The following CENPW variants were observed in gnomAD, a reference collection of about 807,000 sequenced individuals.
The protein encoded by CENPW is centromere protein W, also known as cancer-up-regulated gene 2 protein.
Under a neutral mutation model 11.1 loss-of-function variants are expected in CENPW, and 3 were observed. The ratio of observed to expected loss-of-function variants is 0.27; its 90% CI spans 0.12 to 0.70. The LOEUF is 0.70. Among genes scored for constraint, CENPW ranks in the 30% least tolerant of loss-of-function variants. The probability of loss-of-function intolerance (pLI) is 0.77; values close to 1 mark genes in which losing one functional copy is unlikely to be tolerated. For missense variants in CENPW, 100 were observed against 105.6 expected (o/e 0.95, Z 0.23); for synonymous variants, 38 against 42.0 (o/e 0.91, Z 0.37).
chr6:126,469,333 G>A, the CENPW span, among the ~76,000 whole-genome samples: 1 of 152,128 alleles, frequency 6.6e-6, no homozygotes, highest in Admixed American at 6.5e-5. Flanking sequence ...ACCGCCTTAT[G>A]AAGAAGGCAC....
At chr6:126,467,669 CA>C in the CENPW span, among the ~76,000 whole-genome samples, 1 of 152,036 alleles carries the variant, frequency 6.6e-6, no homozygotes, top group Non-Finnish European at 1.5e-5. Context: ...GGAGATGAGA[CA>C]AATCTCCCAG....
the CENPW span, among the ~76,000 whole-genome samples, chr6:126,452,462 GA>G: frequency 6.6e-6 from 1 of 151,024 alleles, no homozygotes; most frequent in Non-Finnish European, 1.5e-5. Flanking sequence ...TAAGAGCTGA[GA>G]AAAGAGTAGC....
the CENPW span, among the ~76,000 whole-genome samples, chr6:126,359,302 T>G: frequency 5.9e-5 from 9 of 152,024 alleles, no homozygotes; most frequent in African/African-American, 1.9e-4. Flanking sequence ...TGATTTCTTT[T>G]CTTTTTTTTT....
chr6:126,356,474 C>T, the CENPW span, among the ~76,000 whole-genome samples: 1 of 152,148 alleles, frequency 6.6e-6, no homozygotes, highest in African/African-American at 2.4e-5. Flanking sequence ...GACATTTAAT[C>T]ATTCCTAATT....
the CENPW span, among the ~76,000 whole-genome samples, chr6:126,397,306 G>C: frequency 6.6e-6 from 1 of 152,114 alleles, no homozygotes; most frequent in African/African-American, 2.4e-5. Context: ...GCTGAGTTTA[G>C]CCTGATTTTG....
chr6:126,434,429 A>G, the CENPW span, among the ~76,000 whole-genome samples: 1 of 152,076 alleles, frequency 6.6e-6, no homozygotes, highest in African/African-American at 2.4e-5. Flanking sequence ...GCATATCATA[A>G]TACATATAAC....
chr6:126,419,345 G>A, the CENPW span, among the ~76,000 whole-genome samples: 4 of 152,070 alleles, frequency 2.6e-5, no homozygotes, highest in Non-Finnish European at 5.9e-5. Flanking sequence ...TGTCTAGGGA[G>A]ATAATTCTTT....
chr6:126,442,020 A>G, the CENPW span, among the ~76,000 whole-genome samples: 4 of 151,558 alleles, frequency 2.6e-5, no homozygotes, highest in Non-Finnish European at 5.9e-5. Context: ...TCTTTAAGGA[A>G]TCTCCACACT....
the CENPW span, among the ~76,000 whole-genome samples, chr6:126,414,998 GA>G: frequency 6.6e-6 from 1 of 151,894 alleles, no homozygotes; most frequent in African/African-American, 2.4e-5. Context: ...TATAGGAAAT[GA>G]AAAAAATCCC....
At chr6:126,465,182 A>C in the CENPW span, among the ~76,000 whole-genome samples, 1 of 152,146 alleles carries the variant, frequency 6.6e-6, no homozygotes, top group Non-Finnish European at 1.5e-5. Context: ...AATATACAAA[A>C]ATCAATGGTA....
the CENPW span, among the ~76,000 whole-genome samples, chr6:126,420,615 G>T: frequency 5.3e-5 from 8 of 152,208 alleles, no homozygotes; most frequent in African/African-American, 1.9e-4. Flanking sequence ...TTGCTGGTTG[G>T]TCTTTTAGGG....
At chr6:126,400,958 C>G in the CENPW span, among the ~76,000 whole-genome samples, 8 of 151,996 alleles carry the variant, frequency 5.3e-5, no homozygotes, top group South Asian at 4.1e-4. Context: ...AACTTTTTCT[C>G]TAAAATCTTT....
chr6:126,440,332 G>T, the CENPW span, among the ~76,000 whole-genome samples: 38 of 151,668 alleles, frequency 2.5e-4, 1 homozygote, highest in South Asian at 6.8e-3. Context: ...AGAAAAGACA[G>T]TATACCTTCC....
At chr6:126,402,732 A>G in the CENPW span, among the ~76,000 whole-genome samples, 1 of 152,072 alleles carries the variant, frequency 6.6e-6, no homozygotes, top group East Asian at 1.9e-4. Flanking sequence ...GTATGGATAT[A>G]CCACATTTTA....
At chr6:126,388,482 G>T in the CENPW span, among the ~76,000 whole-genome samples, 4 of 151,966 alleles carry the variant, frequency 2.6e-5, no homozygotes, top group Non-Finnish European at 5.9e-5. Context: ...AGTGGTTCTT[G>T]TTGTCATAGT....
the CENPW span, among the ~76,000 whole-genome samples, chr6:126,424,356 A>G: frequency 6.6e-6 from 1 of 152,268 alleles, no homozygotes; most frequent in Admixed American, 6.5e-5. Flanking sequence ...AGCTAGTATG[A>G]TATACTAAAT....
the CENPW span, among the ~76,000 whole-genome samples, chr6:126,356,183 A>G: frequency 1.4e-3 from 214 of 152,292 alleles, no homozygotes; most frequent in African/African-American, 4.7e-3. Context: ...GAAAGCTGAC[A>G]TGGATAATAT....
At chr6:126,372,251 C>A in the CENPW span, among the ~76,000 whole-genome samples, 1 of 152,012 alleles carries the variant, frequency 6.6e-6, no homozygotes, top group Non-Finnish European at 1.5e-5. Context: ...CCAGATGACA[C>A]CAGCAAGAAA....
At chr6:126,396,955 C>T in the CENPW span, among the ~76,000 whole-genome samples, 2 of 151,924 alleles carry the variant, frequency 1.3e-5, no homozygotes, top group Admixed American at 1.3e-4. Context: ...TTTACTCTTT[C>T]CTGTTCTCTC....
Sources: gnomAD v4.1 joint callset for allele counts (sites outside exome capture counted in the v4.1 genomes callset) on GRCh38, gnomAD v4.1.1 for gene constraint, MANE v1.5 for transcripts, NCBI Gene and HGNC (gene_info 2026-07-23, HGNC 2026-07-21) for gene names.